DNAJB6: variants seen among roughly 807,000 people sequenced by gnomAD.
DNAJB6 encodes the protein dnaJ homolog subfamily B member 6.
In DNAJB6, 16 loss-of-function variants were observed where a neutral mutation model predicts 42.7. That is an observed-to-expected ratio of 0.37 (90% CI 0.25 to 0.57). The LOEUF is 0.57. Among genes scored for constraint, DNAJB6 ranks in the 20% least tolerant of loss-of-function variants. DNAJB6 has a pLI of 0.74. For synonymous variants in DNAJB6, 170 were observed against 163.5 expected (o/e 1.04, Z -0.30); for missense variants, 347 against 416.8 (o/e 0.83, Z 1.46).
chr7:157,396,688 T>C (rs1237565860), intron 8 of DNAJB6, among the ~76,000 whole-genome samples: 1 of 152,176 alleles, frequency 6.6e-6, no homozygotes, highest in African/African-American at 2.4e-5. Context: ...TACTAAAACA[T>C]GACCAAAGGC....
At chr7:157,369,475 G>A (rs1479663942) in intron 5 of DNAJB6, 1 of 454,726 alleles carries the variant, frequency 2.2e-6, no homozygotes, top group Non-Finnish European at 4.4e-6. Context: ...GGGCACACGA[G>A]GTGAAACGGG....
intron 8 of DNAJB6, among the ~76,000 whole-genome samples, chr7:157,388,502 A>G (rs1038523511): frequency 6.6e-6 from 1 of 152,236 alleles, no homozygotes; most frequent in African/African-American, 2.4e-5. Context: ...CTGGTTGTGC[A>G]CAGCCCCATG....
intron 8 of DNAJB6, among the ~76,000 whole-genome samples, chr7:157,405,769 C>T (rs1018103685): frequency 3.3e-5 from 5 of 152,202 alleles, no homozygotes; most frequent in African/African-American, 9.7e-5. Flanking sequence ...TGGGAGGGAC[C>T]GGGAGGCCGA....
At chr7:157,407,208 C>T (rs976777523) in intron 8 of DNAJB6, among the ~76,000 whole-genome samples, 3 of 152,242 alleles carry the variant, frequency 2.0e-5, no homozygotes, top group African/African-American at 7.2e-5. Context: ...TACCCTGCCC[C>T]CATTTTCCCT....
intron 1 of DNAJB6, among the ~76,000 whole-genome samples, chr7:157,343,749 C>T (rs1362864176): frequency 4.6e-5 from 7 of 152,186 alleles, no homozygotes; most frequent in South Asian, 2.1e-4. Flanking sequence ...CACGCCTAAT[C>T]TTTATGTGAC....
chr7:157,366,480 C>T (rs772004790), intron 3 of DNAJB6, 22 bp from the exon 4 acceptor site: 25 of 1,612,588 alleles, frequency 1.6e-5, no homozygotes, highest in East Asian at 8.9e-5. Context: ...TTGGCCTTAC[C>T]GACTTTTCTT....
intron 8 of DNAJB6, among the ~76,000 whole-genome samples, chr7:157,389,398 G>A (rs1801231770): frequency 6.6e-6 from 1 of 152,208 alleles, no homozygotes; most frequent in African/African-American, 2.4e-5. Context: ...GTGACAGAAT[G>A]GAGGCAGATG....
At chr7:157,358,989 CTTG>C (rs1383386629) in intron 2 of DNAJB6, among the ~76,000 whole-genome samples, 1 of 152,174 alleles carries the variant, frequency 6.6e-6, no homozygotes, top group South Asian at 2.1e-4. Context: ...CTCAAATTTT[CTTG>C]TTGTGATTGT....
chr7:157,386,847 G>A (rs1026036900), intron 8 of DNAJB6, among the ~76,000 whole-genome samples: 6 of 150,610 alleles, frequency 4.0e-5, no homozygotes, highest in African/African-American at 1.2e-4. Context: ...TCGTGCCATT[G>A]CACTCCAGCC....
At chr7:157,404,403 C>T (rs918356049) in intron 8 of DNAJB6, among the ~76,000 whole-genome samples, 4 of 151,604 alleles carry the variant, frequency 2.6e-5, no homozygotes, top group Non-Finnish European at 5.9e-5. Context: ...GTAATTCTCC[C>T]ACCTCAGCCT....
chr7:157,363,675 C>G (rs548770596), intron 3 of DNAJB6, among the ~76,000 whole-genome samples: 20 of 152,292 alleles, frequency 1.3e-4, no homozygotes, highest in East Asian at 7.7e-4. Context: ...GTCAGCTTTA[C>G]TGCTTGAGAG....
intron 8 of DNAJB6, among the ~76,000 whole-genome samples, chr7:157,399,778 C>T (rs1584942122): frequency 6.6e-6 from 1 of 152,282 alleles, no homozygotes; most frequent in African/African-American, 2.4e-5. Context: ...AAGCAATTCT[C>T]CTGCCTTAGC....
intron 6 of DNAJB6, 49 bp downstream of exon 6, chr7:157,382,426 C>G (rs373089270): frequency 3.3e-5 from 50 of 1,529,824 alleles, no homozygotes; most frequent in Non-Finnish European, 4.2e-5. Context: ...GCAGTTAGTA[C>G]TTATAAAATC....
chr7:157,396,806 G>A (rs193121671), intron 8 of DNAJB6, among the ~76,000 whole-genome samples: 11 of 152,280 alleles, frequency 7.2e-5, no homozygotes, highest in Admixed American at 5.9e-4. Context: ...AGGCCACAGC[G>A]TATCCCCCGA....
chr7:157,384,561 A>G lies in DNAJB6; in HGVS notation c.479-306A>G, dbSNP rs3802087. Among the ~76,000 whole-genome samples, 363 of 152,290 alleles carry G rather than the reference A, an allele frequency of 2.4e-3. 9 individuals are homozygous for G. In the East Asian group the frequency reaches 0.055, roughly 23 times the overall value. ...CATGGTGCCAAGCAGACCACCCACA[A>G]GCAGGGGCTGTCTTTGGCATGTCAG... On this transcript the variant is annotated intron_variant, in intron 6 of 9. Transcript: ENST00000262177.
intron 1 of DNAJB6, among the ~76,000 whole-genome samples, chr7:157,353,325 G>T (rs1388165070): frequency 6.6e-6 from 1 of 152,060 alleles, no homozygotes; most frequent in African/African-American, 2.4e-5. Context: ...AAGTTGTAAA[G>T]ATAGTACAGG....
At chr7:157,402,286 T>C (rs1429568322) in intron 8 of DNAJB6, among the ~76,000 whole-genome samples, 1 of 152,208 alleles carries the variant, frequency 6.6e-6, no homozygotes, top group Non-Finnish European at 1.5e-5. Context: ...GAGGGGACTG[T>C]GGAAGCACAG....
chr7:157,371,877 T>G (rs1028124095), intron 5 of DNAJB6, among the ~76,000 whole-genome samples: 13 of 152,246 alleles, frequency 8.5e-5, no homozygotes, highest in Admixed American at 8.5e-4. Flanking sequence ...TGGGTTTAAC[T>G]TCACATTTTA....
At chr7:157,376,059 G>C (rs932152655) in intron 5 of DNAJB6, among the ~76,000 whole-genome samples, 13 of 152,298 alleles carry the variant, frequency 8.5e-5, no homozygotes, top group African/African-American at 3.1e-4. Context: ...GCTTAGTGCT[G>C]CCCTGAGATG....
Sources: allele counts gnomAD v4.1 joint callset (sites outside exome capture counted in the v4.1 genomes callset), GRCh38; gene constraint gnomAD v4.1.1; transcripts MANE v1.5; gene names NCBI Gene and HGNC (gene_info 2026-07-23, HGNC 2026-07-21).